Variants in ANKH observed in about 807,000 individuals in gnomAD.
ANKH encodes the protein mineralization regulator ANKH.
Under a neutral mutation model 49.0 loss-of-function variants are expected in ANKH, and 15 were observed. The observed-to-expected ratio is 0.31, with a 90% CI of 0.20 to 0.47. The LOEUF is 0.47. Among genes scored for constraint, ANKH ranks in the 20% least tolerant of loss-of-function variants. The pLI, the probability that ANKH is intolerant of heterozygous loss-of-function variation, is 1.00. For synonymous variants in ANKH, 273 were observed against 260.0 expected (o/e 1.05, Z -0.48); for missense variants, 429 against 652.0 (o/e 0.66, Z 3.72).
rs1461814700 is a variant in ANKH at position 14,830,495 on chromosome 5, T to C, written c.96+40857A>G. On this transcript the variant is annotated intron_variant, in intron 1 of 11. Coordinates refer to ENST00000284268, the MANE Select transcript of ANKH (RefSeq NM_054027.6). ...CCCTGATGGCTTGGATATTTAAATA[T>C]TGTGAGGTAGGGGGAGTGTGTGTGT... Among the ~76,000 whole-genome samples the C allele has an allele frequency of 4.7e-5, 7 of 148,098 alleles. No homozygotes were observed. The East Asian group carries it at 8.3e-4, about 18-fold the overall frequency.
At chr5:14,760,049 G>A (rs751091869) in intron 2 of ANKH, among the ~76,000 whole-genome samples, 2 of 152,126 alleles carry the variant, frequency 1.3e-5, no homozygotes, top group African/African-American at 2.4e-5. Flanking sequence ...AGAGTGAGGT[G>A]GGGCAGGTCG....
At chr5:14,854,128 G>T (rs962227997) in intron 1 of ANKH, among the ~76,000 whole-genome samples, 17 of 152,100 alleles carry the variant, frequency 1.1e-4, no homozygotes, top group Admixed American at 6.6e-5. Flanking sequence ...TATTATAATA[G>T]AACATTTTTA....
chr5:14,829,045 G>A (rs1044019212), intron 1 of ANKH, among the ~76,000 whole-genome samples: 10 of 152,050 alleles, frequency 6.6e-5, no homozygotes, highest in East Asian at 5.8e-4. Flanking sequence ...TTAGCCAGGC[G>A]TGGTGGTGGG....
At chr5:14,715,450 T>C (rs1737413501) in intron 9 of ANKH, among the ~76,000 whole-genome samples, 1 of 152,144 alleles carries the variant, frequency 6.6e-6, no homozygotes, top group Admixed American at 6.5e-5. Flanking sequence ...TTTCTTAACA[T>C]TGTGGCTTTG....
At chr5:14,817,118 G>A (rs1392545915) in intron 1 of ANKH, among the ~76,000 whole-genome samples, 3 of 152,182 alleles carry the variant, frequency 2.0e-5, no homozygotes, top group Non-Finnish European at 4.4e-5. Context: ...ATAGACAGAT[G>A]GAAAGGATGT....
chr5:14,743,809 A>G (rs1041810298), intron 7 of ANKH, among the ~76,000 whole-genome samples: 3 of 152,226 alleles, frequency 2.0e-5, no homozygotes, highest in African/African-American at 7.2e-5. Context: ...ATGCTCGTTA[A>G]AGGAATTTTT....
intron 1 of ANKH, among the ~76,000 whole-genome samples, chr5:14,778,428 C>T (rs1454822216): frequency 6.6e-6 from 1 of 152,128 alleles, no homozygotes; most frequent in Non-Finnish European, 1.5e-5. Context: ...GTCTGGTCAG[C>T]CCACCCAATG....
intron 8 of ANKH, among the ~76,000 whole-genome samples, chr5:14,740,514 G>A (rs1191322220): frequency 1.3e-5 from 2 of 152,144 alleles, no homozygotes; most frequent in Non-Finnish European, 1.5e-5. Context: ...GGTTCCCAAC[G>A]CCCCCGTGTT....
Position 14,737,344 on chromosome 5 carries a change from G to T in ANKH, c.1011+4483C>A, listed in dbSNP as rs550180236. 6.6e-6 allele frequency among the ~76,000 whole-genome samples: 1 copy of T among 152,312 alleles called. No individual in the cohort carries two copies. Among genetic ancestry groups the T allele is most frequent in the East Asian group, 1.9e-4 (1 of 5,174 alleles). ...TGATAGGCCCCAGGGGTTTGTAGGA[G>T]GCTGGGTTTCTGTAAGTTCAGCACT... On this transcript the variant is annotated intron_variant, in intron 8 of 11. Transcript: ENST00000284268. This position sits in a 1 kb window ranked among gnomAD's most constrained non-coding sequence, Gnocchi z 5.0.
intron 1 of ANKH, among the ~76,000 whole-genome samples, chr5:14,778,924 GCCCAGTTACCCCTCTAGTCTTTCC>G (rs1448099186): frequency 1.3e-5 from 2 of 152,180 alleles, no homozygotes; most frequent in Non-Finnish European, 2.9e-5. Context: ...GCTGTCAGCT[GCCCAGTTACCCCTCTAGTCTTTCC>G]CATTCCCTGC....
At chr5:14,821,411 T>G (rs1487239391) in intron 1 of ANKH, among the ~76,000 whole-genome samples, 1 of 152,178 alleles carries the variant, frequency 6.6e-6, no homozygotes, top group Non-Finnish European at 1.5e-5. Context: ...TCTTTTACTC[T>G]GAAAATGGAA....
intron 1 of ANKH, among the ~76,000 whole-genome samples, chr5:14,809,309 C>T (rs1435943251): frequency 1.2e-5 from 1 of 84,964 alleles, no homozygotes; most frequent in African/African-American, 4.8e-5. Context: ...ACAATGTGCA[C>T]ATGTACCCTA....
rs201974974 is a variant in ANKH at position 14,751,281 on chromosome 5, G to A, written c.517-42C>T. The A allele has an allele frequency of 5.4e-5, 87 of 1,601,024 alleles. No individual in the cohort carries two copies. The African/African-American group carries it at 8.6e-4, about 16-fold the overall frequency. ...CGGGAACAGGTCAGAGGGGAGAAGCGGGAACCGACTGACAGAAGCACAGGG... is the reference window on the plus strand; with the variant it reads ...CGGGAACAGGTCAGAGGGGAGAAGCAGGAACCGACTGACAGAAGCACAGGG... On this transcript the variant is annotated intron_variant, in intron 4 of 11. Coordinates refer to ENST00000284268, the MANE Select transcript of ANKH (RefSeq NM_054027.6).
At chr5:14,738,495 A>T (rs1738254717) in intron 8 of ANKH, among the ~76,000 whole-genome samples, 1 of 152,130 alleles carries the variant, frequency 6.6e-6, no homozygotes, top group Non-Finnish European at 1.5e-5. Flanking sequence ...CAATGCGTGG[A>T]GGGCTGTGGC....
At chr5:14,723,140 T>C (rs1737720995) in intron 8 of ANKH, among the ~76,000 whole-genome samples, 15 of 152,004 alleles carry the variant, frequency 9.9e-5, no homozygotes, top group Non-Finnish European at 4.4e-5. Flanking sequence ...TAATGTGGTG[T>C]CTTGGATGAG....
chr5:14,711,089 CAAAACAAAACAAAA>C lies in ANKH; in HGVS notation c.*94_*107del. ...TTTAAATCAAGGCCTCTTTCATTAC[CAAAACAAAACAAAA>C]AAAAGGGAACAAAATACGATGGGAG... is the stretch of plus-strand genomic sequence containing the variant. On this transcript the variant is annotated 3_prime_UTR_variant, in exon 12 of 12. Transcript: ENST00000284268. The C allele has an allele frequency of 9.7e-7, 1 of 1,033,466 alleles. No homozygotes were observed. Among genetic ancestry groups the C allele is most frequent in the Non-Finnish European group, 1.5e-6 (1 of 657,864 alleles). The allele number at this position is 1,033,466 out of a possible 1,614,324, so 64.0% of individuals were successfully genotyped here.
chr5:14,866,146 ACAGGTGC>A (rs1735638100), intron 1 of ANKH, among the ~76,000 whole-genome samples: 1 of 152,212 alleles, frequency 6.6e-6, no homozygotes. Flanking sequence ...AGCTGGGATT[ACAGGTGC>A]CTGCCATCAT....
intron 1 of ANKH, among the ~76,000 whole-genome samples, chr5:14,792,887 G>A (rs905083569): frequency 6.7e-6 from 1 of 149,046 alleles, no homozygotes; most frequent in Non-Finnish European, 1.5e-5. Flanking sequence ...TGAGGCAGGA[G>A]AATCGCTTGA....
In ANKH at chr5:14,756,061, A is replaced by G. The variant is rs1738874845; in HGVS notation, c.433-117T>C. On this transcript the variant is annotated intron_variant, in intron 3 of 11. Coordinates refer to ENST00000284268, the MANE Select transcript of ANKH (RefSeq NM_054027.6). ...CTTTATACCCCCTCAAAGCCTTAGC[A>G]GCCCAGGTCTGATAAATCTTTGGTT... is the stretch of plus-strand genomic sequence containing the variant. 1.1e-5 allele frequency: 9 copies of G among 847,224 alleles called. No individual in the cohort carries two copies. In the South Asian group the frequency reaches 1.3e-4, roughly 12 times the overall value. 52.5% of individuals were successfully genotyped at this position (847,224 alleles called of 1,614,324 possible). A position where few individuals can be genotyped will look rare whatever the true frequency, so the allele number is the denominator to read the frequency against.
Sources: gnomAD v4.1 joint callset for allele counts (sites outside exome capture counted in the v4.1 genomes callset) on GRCh38, gnomAD v4.1.1 for gene constraint, Gnocchi (gnomAD v3.1) non-coding constraint, MANE v1.5 for transcripts, NCBI Gene and HGNC (gene_info 2026-07-23, HGNC 2026-07-21) for gene names.